RAD51B: variants seen among roughly 807,000 people sequenced by gnomAD.
RAD51B encodes the protein DNA repair protein RAD51 homolog 2.
RAD51B carries 38 observed loss-of-function variants against 42.2 expected under a neutral mutation model. That is an observed-to-expected ratio of 0.90 (90% CI 0.70 to 1.18). The LOEUF is 1.18. Among genes scored for constraint, RAD51B ranks in the 50% most tolerant of loss-of-function variants. RAD51B has a pLI of 0.00. For missense variants in RAD51B, 373 were observed against 400.7 expected (o/e 0.93, Z 0.59); for synonymous variants, 154 against 145.2 (o/e 1.06, Z -0.43).
At chr14:67,874,684 C>T (rs958372109) in intron 5 of RAD51B, among the ~76,000 whole-genome samples, 1 of 151,868 alleles carries the variant, frequency 6.6e-6, no homozygotes, top group Non-Finnish European at 1.5e-5. Flanking sequence ...TTTTTTTAAC[C>T]TACTGGACTT....
chr14:68,086,054 G>A (rs1483190706), intron 7 of RAD51B, among the ~76,000 whole-genome samples: 1 of 152,228 alleles, frequency 6.6e-6, no homozygotes, highest in African/African-American at 2.4e-5. Flanking sequence ...AGGGCTTTCT[G>A]TATCCTGGAG....
chr14:68,143,447 A>C (rs557798582), intron 7 of RAD51B, among the ~76,000 whole-genome samples: 1 of 152,228 alleles, frequency 6.6e-6, no homozygotes, highest in African/African-American at 2.4e-5. Context: ...GCGGCCAAAC[A>C]TGAAAATGGT....
chr14:68,018,986 G>A (rs1045332722), intron 7 of RAD51B, among the ~76,000 whole-genome samples: 11 of 152,126 alleles, frequency 7.2e-5, no homozygotes, highest in Non-Finnish European at 1.3e-4. Context: ...GAGGATTAGA[G>A]ATAAAATATG....
chr14:68,410,902 G>A (rs1594798265), intron 8 of RAD51B, among the ~76,000 whole-genome samples: 1 of 151,916 alleles, frequency 6.6e-6, no homozygotes, highest in Non-Finnish European at 1.5e-5. Flanking sequence ...CCTATGAAAT[G>A]CTGAGATCTT....
chr14:68,124,701 C>G (rs1462294383), intron 7 of RAD51B, among the ~76,000 whole-genome samples: 1 of 152,148 alleles, frequency 6.6e-6, no homozygotes, highest in Non-Finnish European at 1.5e-5. Flanking sequence ...CACCTGTAAT[C>G]TCAGCACTTT....
At chr14:67,881,192 CATT>C (rs2042896052) in intron 5 of RAD51B, among the ~76,000 whole-genome samples, 1 of 152,190 alleles carries the variant, frequency 6.6e-6, no homozygotes, top group Non-Finnish European at 1.5e-5. Flanking sequence ...AGTGATGCAT[CATT>C]GACTGAAATG....
At chr14:67,874,532 C>T (rs1007050303) in intron 5 of RAD51B, among the ~76,000 whole-genome samples, 1 of 151,902 alleles carries the variant, frequency 6.6e-6, no homozygotes, top group African/African-American at 2.4e-5. Flanking sequence ...AGTTGGACAC[C>T]CTTGAATTAG....
chr14:67,896,470 A>C (rs1367506635), intron 7 of RAD51B, among the ~76,000 whole-genome samples: 1 of 152,232 alleles, frequency 6.6e-6, no homozygotes, highest in Non-Finnish European at 1.5e-5. Flanking sequence ...GTGGGAATTT[A>C]ACATCAGTGC....
At chr14:68,010,666 A>G (rs760691367) in intron 7 of RAD51B, among the ~76,000 whole-genome samples, 7 of 151,836 alleles carry the variant, frequency 4.6e-5, no homozygotes, top group Non-Finnish European at 8.8e-5. Context: ...TACTTTGAAA[A>G]TGTATACAAC....
In RAD51B at chr14:68,555,333, C is replaced by G. The variant is rs1268291137; in HGVS notation, c.1037-39152C>G. On this transcript the variant is annotated intron_variant, in intron 10 of 10. Coordinates refer to the RAD51B transcript ENST00000487270. ...AAGCCTTAACATCCAGTCCATGAAG[C>G]TGATATCACAGGGGAAGAAACCCAC... Among the ~76,000 whole-genome samples the G allele has an allele frequency of 2.0e-5, 3 of 152,172 alleles. No homozygotes were observed. In the East Asian group the frequency reaches 5.8e-4, roughly 29 times the overall value.
chr14:67,823,439 C>A, intron 1 of RAD51B, 103 bp from the exon 2 acceptor site: 1 of 843,422 alleles, frequency 1.2e-6, no homozygotes, highest in Non-Finnish European at 1.8e-6. Flanking sequence ...TATGGAGAAA[C>A]TTGAGGAATT....
chr14:68,329,153 T>C lies in RAD51B; in HGVS notation c.853+37173T>C, dbSNP rs1467527817. 2.6e-5 allele frequency among the ~76,000 whole-genome samples: 4 copies of C among 151,986 alleles called. No homozygotes were observed. The East Asian group carries it at 5.8e-4, about 22-fold the overall frequency. ...CTTCCCAAGTAGCTAAGACAAGAGG[T>C]GTATGCCACCACATCCAGCTAATTT... On this transcript the variant is annotated intron_variant, in intron 8 of 10. Coordinates refer to ENST00000471583, the MANE Select transcript of RAD51B (RefSeq NM_133510.4).
chr14:68,634,534 A>G (rs1020685447), intron 10 of RAD51B, among the ~76,000 whole-genome samples: 1 of 152,030 alleles, frequency 6.6e-6, no homozygotes, highest in African/African-American at 2.4e-5. Context: ...CAGGGCTCAT[A>G]TTACCTGCCC....
At chr14:68,628,756 A>G (rs1319021804) in intron 10 of RAD51B, among the ~76,000 whole-genome samples, 1 of 152,082 alleles carries the variant, frequency 6.6e-6, no homozygotes, top group Non-Finnish European at 1.5e-5. Flanking sequence ...AGAAGTAAAC[A>G]TTGGAAAGTG....
chr14:68,623,659 G>T (rs1374301266), intron 10 of RAD51B, among the ~76,000 whole-genome samples: 1 of 152,186 alleles, frequency 6.6e-6, no homozygotes, highest in Non-Finnish European at 1.5e-5. Context: ...GACATCTGGG[G>T]AGGAAAATAA....
At chr14:67,902,127 A>G (rs1438924963) in intron 7 of RAD51B, among the ~76,000 whole-genome samples, 1 of 152,188 alleles carries the variant, frequency 6.6e-6, no homozygotes, top group Non-Finnish European at 1.5e-5. Flanking sequence ...TGGACGAGTC[A>G]GTTCTCATTT....
At chr14:68,260,723 C>T (rs2080870494) in intron 7 of RAD51B, among the ~76,000 whole-genome samples, 1 of 152,156 alleles carries the variant, frequency 6.6e-6, no homozygotes, top group Non-Finnish European at 1.5e-5. Context: ...CTTTTTGCTT[C>T]TGCAGTTTTC....
At chr14:68,681,237 G>GA (rs1194651731) in intron 11 of RAD51B, among the ~76,000 whole-genome samples, 1 of 152,172 alleles carries the variant, frequency 6.6e-6, no homozygotes, top group African/African-American at 2.4e-5. Context: ...TGTGGAGACT[G>GA]AAAAAAGATA....
chr14:68,162,193 A>G (rs2078653757), intron 7 of RAD51B, among the ~76,000 whole-genome samples: 1 of 152,224 alleles, frequency 6.6e-6, no homozygotes, highest in Non-Finnish European at 1.5e-5. Context: ...AATTCAGGGA[A>G]ACTTCCTTTA....
Sources: gnomAD v4.1 joint callset for allele counts (sites outside exome capture counted in the v4.1 genomes callset) on GRCh38, gnomAD v4.1.1 for gene constraint, MANE v1.5 for transcripts, NCBI Gene and HGNC (gene_info 2026-07-23, HGNC 2026-07-21) for gene names.